The following DIP2C variants were observed in gnomAD, a reference collection of about 807,000 sequenced individuals.
The protein encoded by DIP2C is DIP2 acetate--CoA ligase C (putative).
Under a neutral mutation model 192.4 loss-of-function variants are expected in DIP2C, and 33 were observed. The observed-to-expected ratio is 0.17, with a 90% CI of 0.13 to 0.23. The LOEUF (loss-of-function observed/expected upper bound fraction) is 0.23, where lower values mean the gene tolerates loss of function less well. DIP2C is among the 10% of genes least tolerant of loss of function. DIP2C has a pLI of 1.00. For synonymous variants in DIP2C, 979 were observed against 864.1 expected, an observed-to-expected ratio of 1.13 and a Z score of -2.33; for missense variants, 1,537 against 2,110.1, an observed-to-expected ratio of 0.73 and a Z score of 5.32.
At chr10:277,954 G>A (rs543624479) in intron 36 of DIP2C, among the ~76,000 whole-genome samples, 14 of 152,318 alleles carry the variant, frequency 9.2e-5, no homozygotes, top group African/African-American at 3.1e-4. Flanking sequence ...CATCAGCCTC[G>A]TACCCTCAAG....
At chr10:478,899 G>T (rs1462421412) in intron 2 of DIP2C, among the ~76,000 whole-genome samples, 2 of 152,152 alleles carry the variant, frequency 1.3e-5, no homozygotes, top group African/African-American at 4.8e-5. Flanking sequence ...GGGGGAGGAA[G>T]AGAGGGGTAG....
chr10:413,572 T>C (rs1357266224), intron 8 of DIP2C, among the ~76,000 whole-genome samples: 4 of 152,212 alleles, frequency 2.6e-5, no homozygotes, highest in African/African-American at 7.2e-5. Flanking sequence ...TCCTAAAGAG[T>C]TTCTTGAGAT....
At chr10:637,177 A>G (rs1854885293) in intron 1 of DIP2C, among the ~76,000 whole-genome samples, 1 of 152,224 alleles carries the variant, frequency 6.6e-6, no homozygotes, top group African/African-American at 2.4e-5. Context: ...AAAATTCACA[A>G]CCTGCCTTTG....
At chr10:398,257 G>A (rs543251342) in intron 10 of DIP2C, among the ~76,000 whole-genome samples, 11 of 152,192 alleles carry the variant, frequency 7.2e-5, no homozygotes, top group African/African-American at 2.4e-4. Flanking sequence ...GAAGCCTGCT[G>A]CCTGGAGGCT....
chr10:482,656 G>C (rs1381309176), intron 2 of DIP2C, among the ~76,000 whole-genome samples: 1 of 152,194 alleles, frequency 6.6e-6, no homozygotes, highest in South Asian at 2.1e-4. Flanking sequence ...TGAGAAAGAG[G>C]AGCTGTATCT....
At chr10:381,329 T>G (rs1962352380) in intron 17 of DIP2C, among the ~76,000 whole-genome samples, 1 of 152,226 alleles carries the variant, frequency 6.6e-6, no homozygotes, top group Admixed American at 6.5e-5. Context: ...AGAACCGGCA[T>G]GGGGACACTG....
chr10:451,747 T>C (rs1968864608), intron 3 of DIP2C, among the ~76,000 whole-genome samples: 1 of 152,222 alleles, frequency 6.6e-6, no homozygotes, highest in Non-Finnish European at 1.5e-5. Context: ...AGGTTACATA[T>C]AGTGCTTGAT....
chr10:557,214 G>C (rs1309891057), intron 1 of DIP2C, among the ~76,000 whole-genome samples: 1 of 152,222 alleles, frequency 6.6e-6, no homozygotes, highest in African/African-American at 2.4e-5. Context: ...TGGAGGACCA[G>C]GCCTCCGCCA....
chr10:341,441 C>G, intron 28 of DIP2C, 112 bp from the exon 29 acceptor site: 1 of 1,462,248 alleles, frequency 6.8e-7, no homozygotes, highest in Admixed American at 1.8e-5. Flanking sequence ...GGACCTGACA[C>G]CCTCAGACAC....
intron 13 of DIP2C, 112 bp from the exon 14 acceptor site, chr10:387,921 A>G (rs1018024363): frequency 1.5e-5 from 18 of 1,227,904 alleles, no homozygotes; most frequent in Non-Finnish European, 1.9e-5. Context: ...TTGGGAAAAT[A>G]TCATTTTGCC....
intron 1 of DIP2C, among the ~76,000 whole-genome samples, chr10:603,335 C>CAAAAAAA (rs1209146510): frequency 1.2e-5 from 1 of 80,416 alleles, no homozygotes; most frequent in African/African-American, 7.6e-5. Flanking sequence ...AAAAAAAAAC[C>CAAAAAAA]AACCATGAGA....
intron 31 of DIP2C, among the ~76,000 whole-genome samples, chr10:318,921 T>TA (rs200438100): frequency 1.3e-5 from 2 of 151,800 alleles, no homozygotes; most frequent in East Asian, 3.9e-4. Flanking sequence ...TTTTTTTTTT[T>TA]TATACAGAGT....
At chr10:505,184 A>G (rs967100418) in intron 1 of DIP2C, among the ~76,000 whole-genome samples, 1 of 152,118 alleles carries the variant, frequency 6.6e-6, no homozygotes, top group African/African-American at 2.4e-5. Flanking sequence ...AGCAATTCCA[A>G]TTGCTGATGT....
chr10:593,833 C>T (rs976899563), intron 1 of DIP2C, among the ~76,000 whole-genome samples: 8 of 152,178 alleles, frequency 5.3e-5, no homozygotes, highest in African/African-American at 1.9e-4. Flanking sequence ...TCTCACTCAC[C>T]TTCAAATTCC....
Position 574,800 on chromosome 10 carries a change from G to C in DIP2C, c.86-88270C>G, listed in dbSNP as rs1225686653. On this transcript the variant is annotated intron_variant, in intron 1 of 36. Coordinates refer to ENST00000280886, the MANE Select transcript of DIP2C (RefSeq NM_014974.3). ...AATGTGCTATGATACTAGAGGTCTT[G>C]TGCAGGACCAGAAGCATCGCAACGC... is the stretch of plus-strand genomic sequence containing the variant. Among the ~76,000 whole-genome samples, 3 of 152,226 alleles carry C rather than the reference G, an allele frequency of 2.0e-5. No individual in the cohort carries two copies. The South Asian group carries it at 6.2e-4, about 31-fold the overall frequency.
chr10:579,981 T>C (rs1021074289), intron 1 of DIP2C, among the ~76,000 whole-genome samples: 2 of 151,686 alleles, frequency 1.3e-5, no homozygotes, highest in Admixed American at 6.6e-5. Context: ...CCAATGTACA[T>C]ATACAGGTAC....
chr10:512,269 A>G (rs181829601), intron 1 of DIP2C, among the ~76,000 whole-genome samples: 1 of 152,250 alleles, frequency 6.6e-6, no homozygotes, highest in African/African-American at 2.4e-5. Context: ...CCTGGAAGGG[A>G]AAAAAATGGG....
intron 1 of DIP2C, among the ~76,000 whole-genome samples, chr10:573,360 TTCTAC>T (rs1385037641): frequency 1.3e-5 from 2 of 152,366 alleles, no homozygotes; most frequent in African/African-American, 4.8e-5. Context: ...ACTGGATTTA[TTCTAC>T]TCTAGTTTAC....
In DIP2C at chr10:344,873, T is replaced by C; in HGVS notation, c.3389A>G (p.Asn1130Ser). 6.2e-7 allele frequency: 1 copy of C among 1,607,240 alleles called. No individual in the cohort carries two copies. Among genetic ancestry groups the C allele is most frequent in the Non-Finnish European group, 8.5e-7 (1 of 1,178,022 alleles). Reference sequence around the variant, plus strand: ...GTCGAGATATGCAAGAGTGTCTGGGTTGCAAGGTTTGCAGATCTGGGCAGG... The same window carrying C: ...GTCGAGATATGCAAGAGTGTCTGGGCTGCAAGGTTTGCAGATCTGGGCAGG... ...KRPAQICKPC[N>S]PDTLAYLDFS... The change falls in exon 28 of 37, where the codon AAC (asparagine) becomes AGC (serine). Residue 1130 changes from asparagine to serine, a missense_variant. This residue lies in a region of DIP2C where 46 missense variants were observed against 28.9 expected (regional missense o/e 1.59). Transcript: ENST00000280886.
Sources: allele counts gnomAD v4.1 joint callset (sites outside exome capture counted in the v4.1 genomes callset), GRCh38; gene constraint gnomAD v4.1.1; regional missense constraint gnomAD v4.1.1; transcripts MANE v1.5; gene names NCBI Gene and HGNC (gene_info 2026-07-23, HGNC 2026-07-21).